The following NPEPL1 variants were observed in gnomAD, a reference collection of about 807,000 sequenced individuals.
NPEPL1 encodes the protein probable aminopeptidase NPEPL1.
NPEPL1 carries 45 observed loss-of-function variants against 52.4 expected under a neutral mutation model. The observed-to-expected ratio is 0.86, with a 90% CI of 0.68 to 1.10. The LOEUF (loss-of-function observed/expected upper bound fraction) is 1.10. Among genes scored for constraint, NPEPL1 ranks in the 50% least tolerant of loss-of-function variants. The probability of loss-of-function intolerance (pLI) is 0.00; values close to 1 mark genes in which losing one functional copy is unlikely to be tolerated. For missense variants in NPEPL1, 696 were observed against 710.9 expected, an observed-to-expected ratio of 0.98 and a Z score of 0.24; for synonymous variants, 360 against 314.7, an observed-to-expected ratio of 1.14 and a Z score of -1.52.
chr20:58,704,342 C>T (rs1340446548), intron 6 of NPEPL1: 1 of 985,276 alleles, frequency 1.0e-6, no homozygotes, highest in Non-Finnish European at 1.2e-6. Flanking sequence ...TCAAGACCAG[C>T]CTGGACTAGC....
upstream of NPEPL1, chr20:58,691,148 C>A (rs78419606): frequency 2.1e-4 from 150 of 703,194 alleles, no homozygotes; most frequent in East Asian, 3.9e-3. Context: ...CTCCAGCTGT[C>A]TCAGTCCTCT....
In NPEPL1 at chr20:58,715,212, C is replaced by G. The variant is rs760587548; in HGVS notation, c.1458C>G (p.Leu486=). The G allele has an allele frequency of 1.8e-5, 29 of 1,608,100 alleles. No individual in the cohort carries two copies. Among genetic ancestry groups the G allele is most frequent in the Admixed American group, 5.0e-5 (3 of 59,524 alleles). The change falls in exon 12 of 12, where the codon CTC becomes CTG. Residue 486 remains leucine (L), a synonymous_variant. Transcript: ENST00000356091. ...TCGGTGTGGCCCTCCTGCTGGCGCT[C>G]TTCGGCCGTGCCTCTGAGGACCCTC... ...TGFGVALLLA[L]FGRASEDPLL...
At chr20:58,714,482 A>T in intron 10 of NPEPL1, 78 bp from the exon 11 acceptor site, 1 of 1,051,790 alleles carries the variant, frequency 9.5e-7, no homozygotes, top group Non-Finnish European at 1.4e-6. Context: ...AGACAGCAAT[A>T]GTGACAGGCG....
At chr20:58,700,277 G>T (rs1056815894) in intron 5 of NPEPL1, among the ~76,000 whole-genome samples, 4 of 152,218 alleles carry the variant, frequency 2.6e-5, no homozygotes, top group African/African-American at 4.8e-5. Flanking sequence ...GCTCACATGA[G>T]GGGGAGGGAC....
At chr20:58,690,932 A>G (rs2084332790), upstream of NPEPL1, 1 of 542,226 alleles carries the variant, frequency 1.8e-6, no homozygotes. Context: ...CAGGCTCCCC[A>G]GTCGATCTCC....
chr20:58,695,532 G>A (rs116071638), intron 3 of NPEPL1, among the ~76,000 whole-genome samples: 2 of 152,222 alleles, frequency 1.3e-5, no homozygotes, highest in African/African-American at 4.8e-5. Flanking sequence ...TCCAGTCCCC[G>A]AGCCCACAGC....
At position 58,692,935 on chromosome 20, in the gene NPEPL1, C is replaced by CG; in HGVS notation, c.40dup (p.Asp14GlyfsTer178). ...GTGGGGCTGCAGTTCCAGGCGAGCG[C>CG]GGGGGACTCGGACCCACAGAGCCGG... On this transcript the variant is annotated frameshift_variant, in exon 1 of 12. Coordinates refer to ENST00000356091, the MANE Select transcript of NPEPL1 (RefSeq NM_024663.4). LOFTEE classifies it high-confidence loss of function. This position sits in a 1 kb window ranked among gnomAD's most constrained non-coding sequence, Gnocchi z 5.7. 1 of 1,141,674 alleles carries CG rather than the reference C, an allele frequency of 8.8e-7. No homozygotes were observed. Among genetic ancestry groups the CG allele is most frequent in the African/African-American group, 1.7e-5 (1 of 60,164 alleles). The allele number at this position is 1,141,674 out of a possible 1,614,324, so 70.7% of individuals were successfully genotyped here.
rs117098647 is a variant in NPEPL1 at position 58,708,896 on chromosome 20, G to A, written c.900+1696G>A. On this transcript the variant is annotated intron_variant, in intron 7 of 11. Coordinates refer to ENST00000356091, the MANE Select transcript of NPEPL1 (RefSeq NM_024663.4). ...GTGGGCAAGTGGTTCTGGAGGAGCCGTGTGGCCAGCCCTCTGTGGCCGTCT... is the reference window on the plus strand; with the variant it reads ...GTGGGCAAGTGGTTCTGGAGGAGCCATGTGGCCAGCCCTCTGTGGCCGTCT... Among the ~76,000 whole-genome samples the A allele has an allele frequency of 2.4e-3, 368 of 151,988 alleles. 1 individual carries two copies. Among genetic ancestry groups the A allele is most frequent in the Middle Eastern group, 6.8e-3 (2 of 294 alleles).
At chr20:58,691,833 AAC>A (rs773302355), upstream of NPEPL1, 1 of 1,541,360 alleles carries the variant, frequency 6.5e-7, no homozygotes, top group South Asian at 1.2e-5. Flanking sequence ...GATGTTGGGT[AAC>A]AGATTTTTGC....
chr20:58,714,658 A>G lies in NPEPL1; in HGVS notation c.1401A>G (p.Ala467=), dbSNP rs772568279. 9 of 1,591,152 alleles carry G rather than the reference A, an allele frequency of 5.7e-6. No individual in the cohort carries two copies. In the African/African-American group the frequency reaches 1.2e-4, roughly 21 times the overall value. ...TCTGGGTCCACCTGGACATTGCTGC[A>G]CCGGTGCATGCTGTGAGTGTCTCCC... The part of the protein sequence containing the change: ...PGVWVHLDIA[A]PVHAGERATG... Residue 467 remains alanine, a synonymous_variant, in exon 11 of 12, where the codon GCA becomes GCG. Transcript: ENST00000356091.
chr20:58,693,940 A>T lies in NPEPL1; in HGVS notation c.336+18A>T. Reference sequence around the variant, plus strand: ...GCATTGTGGTGAGTGCTTCGAGAGGAGGCAGCCACGGTGCTCCTAGTCGGG... The same window carrying T: ...GCATTGTGGTGAGTGCTTCGAGAGGTGGCAGCCACGGTGCTCCTAGTCGGG... On this transcript the variant is annotated intron_variant, in intron 2 of 11. Coordinates refer to ENST00000356091, the MANE Select transcript of NPEPL1 (RefSeq NM_024663.4). 11 of 1,543,138 alleles carry T rather than the reference A, an allele frequency of 7.1e-6. No individual in the cohort carries two copies. Among genetic ancestry groups the T allele is most frequent in the Non-Finnish European group, 9.7e-6 (11 of 1,139,174 alleles).
chr20:58,709,089 C>T (rs1386757448), intron 7 of NPEPL1, among the ~76,000 whole-genome samples: 1 of 151,766 alleles, frequency 6.6e-6, no homozygotes. Flanking sequence ...CGTGAGTGTT[C>T]TCAGCACTCC....
chr20:58,700,962 T>A, intron 5 of NPEPL1, 54 bp from the exon 6 acceptor site: 1 of 1,376,838 alleles, frequency 7.3e-7, no homozygotes, highest in African/African-American at 1.5e-5. Flanking sequence ...CCTCTGGGAG[T>A]TCCCCGCTCA....
chr20:58,698,812 G>T, intron 4 of NPEPL1, 39 bp downstream of exon 4: 2 of 1,573,526 alleles, frequency 1.3e-6, no homozygotes, highest in Non-Finnish European at 1.7e-6. Flanking sequence ...GACCAGGCTG[G>T]GGTGGGTGTC....
At chr20:58,695,997 A>G (rs1402697868) in intron 3 of NPEPL1, among the ~76,000 whole-genome samples, 1 of 151,864 alleles carries the variant, frequency 6.6e-6, no homozygotes, top group African/African-American at 2.4e-5. Flanking sequence ...CAGCGTTCCG[A>G]CCTGCTCAGC....
chr20:58,698,814 G>T, intron 4 of NPEPL1, 41 bp downstream of exon 4: 1 of 1,566,788 alleles, frequency 6.4e-7, no homozygotes. Context: ...CCAGGCTGGG[G>T]TGGGTGTCAT....
intron 2 of NPEPL1, 98 bp downstream of exon 2, chr20:58,694,020 GC>G: frequency 8.5e-7 from 1 of 1,178,306 alleles, no homozygotes; most frequent in Non-Finnish European, 1.2e-6. Flanking sequence ...TGCAGCGCAC[GC>G]CCAGAGGGCT....
At chr20:58,712,835 A>G (rs2084880695) in intron 8 of NPEPL1, 2 of 584,600 alleles carry the variant, frequency 3.4e-6, no homozygotes, top group South Asian at 3.4e-5. Context: ...TCTACCCTGC[A>G]TTACCAGGAC....
chr20:58,694,712 G>T, intron 3 of NPEPL1, 120 bp downstream of exon 3: 1 of 1,101,934 alleles, frequency 9.1e-7, no homozygotes, highest in East Asian at 2.8e-5. Context: ...GCCCTTCCCA[G>T]GAGCTTTGGT....
Sources: allele counts gnomAD v4.1 joint callset (sites outside exome capture counted in the v4.1 genomes callset), GRCh38; gene constraint gnomAD v4.1.1; non-coding constraint Gnocchi (gnomAD v3.1); transcripts MANE v1.5; gene names NCBI Gene and HGNC (gene_info 2026-07-23, HGNC 2026-07-21).